GGH: variants seen among roughly 807,000 people sequenced by gnomAD.
GGH encodes the protein gamma-glutamyl hydrolase, also known as gamma-Glu-X carboxypeptidase.
GGH carries 18 observed loss-of-function variants against 39.2 expected under a neutral mutation model. That is an observed-to-expected ratio of 0.46 (90% CI 0.32 to 0.68). The LOEUF is 0.68. Among genes scored for constraint, GGH ranks in the 30% least tolerant of loss-of-function variants. The pLI, the probability that GGH is intolerant of heterozygous loss-of-function variation, is 0.04. For synonymous variants in GGH, 147 were observed against 138.8 expected, an observed-to-expected ratio of 1.06 and a Z score of -0.42; for missense variants, 367 against 384.1, an observed-to-expected ratio of 0.96 and a Z score of 0.37.
rs769770960 is a variant in GGH at position 63,035,639 on chromosome 8, A to AC, written c.224+16_224+17insG. The AC allele has an allele frequency of 1.3e-6, 2 of 1,580,606 alleles. No homozygotes were observed. Among genetic ancestry groups the AC allele is most frequent in the African/African-American group, 1.4e-5 (1 of 72,294 alleles). ...TTTTATACAGAGTAAAAAAAAAAAA[A>AC]AAACACTGAATCATACCTTACTGGT... On this transcript the variant is annotated intron_variant, in intron 2 of 8. Transcript: ENST00000260118.
chr8:63,018,984 A>G (rs1286076706), intron 7 of GGH, among the ~76,000 whole-genome samples: 3 of 152,218 alleles, frequency 2.0e-5, no homozygotes, highest in Admixed American at 6.5e-5. Context: ...AGGACAAGAC[A>G]TCAGTTTTAA....
intron 3 of GGH, among the ~76,000 whole-genome samples, chr8:63,027,888 CT>C (rs1199764569): frequency 1.3e-5 from 2 of 151,682 alleles, no homozygotes; most frequent in African/African-American, 4.8e-5. Context: ...ATTTTACACA[CT>C]TATAAAGGTG....
intron 2 of GGH, 92 bp downstream of exon 2, chr8:63,035,564 C>T (rs1804890878): frequency 6.0e-6 from 9 of 1,493,060 alleles, no homozygotes; most frequent in African/African-American, 1.4e-5. Flanking sequence ...CTTGGCCTCC[C>T]AAAGTGCTAG....
chr8:63,027,202 T>C lies in GGH; in HGVS notation c.339A>G (p.Ile113Met), dbSNP rs545671872. 3 of 1,527,704 alleles carry C rather than the reference T, an allele frequency of 2.0e-6. No individual in the cohort carries two copies. In the African/African-American group the frequency reaches 4.1e-5, roughly 21 times the overall value. 94.6% of individuals were successfully genotyped at this position (1,527,704 alleles called of 1,614,324 possible). The change falls in exon 4 of 9, where the codon ATA (isoleucine) becomes ATG (methionine). Residue 113 changes from isoleucine to methionine, a missense_variant. Ile to Met is a conservative substitution (Grantham distance 10). Transcript: ENST00000260118. ...RRSDYAKVAK[I>M]FYNLSIQSFD... Reference sequence around the variant, plus strand: ...TTACCTGTATGGACAAGTTATAAAATATTTTGGCCACTTTAGCATAATCTG... The same window carrying C: ...TTACCTGTATGGACAAGTTATAAAACATTTTGGCCACTTTAGCATAATCTG...
chr8:63,023,572 T>C (rs1421408089), intron 7 of GGH: 1 of 166,500 alleles, frequency 6.0e-6, no homozygotes, highest in Non-Finnish European at 1.3e-5. Context: ...TTTTTCTCTA[T>C]CACCCACATT....
rs148095972 is a variant in GGH at position 63,027,313 on chromosome 8, G to A, written c.276-48C>T. On this transcript the variant is annotated intron_variant, in intron 3 of 8. Transcript: ENST00000260118. ...AAATAGGGTGTATTTTGCCACCCCC[G>A]ACCCATACACACACAGAAAACAATC... The A allele has an allele frequency of 3.3e-4, 299 of 900,460 alleles. No homozygotes were observed. The Middle Eastern group carries it at 5.0e-3, about 15-fold the overall frequency. The allele number at this position is 900,460 out of a possible 1,614,324, so 55.8% of individuals were successfully genotyped here. A position where few individuals can be genotyped will look rare whatever the true frequency, so the allele number is the denominator to read the frequency against.
Position 63,038,721 on chromosome 8 carries a change from G to A in GGH, c.48C>T (p.Cys16=). Residue 16 remains cysteine, a synonymous_variant, in exon 1 of 9, where the codon TGC becomes TGT. Transcript: ENST00000260118. ...CLLCVLGLLL[C]GAASLELSRP... ...TAGACAGCTCGAGGCTCGCCGCCCC[G>A]CAGAGTAGCAGGCCCAGCACGCACA... is the stretch of plus-strand genomic sequence containing the variant. 1 of 1,582,868 alleles carries A rather than the reference G, an allele frequency of 6.3e-7. No homozygotes were observed. Among genetic ancestry groups the A allele is most frequent in the Admixed American group, 1.7e-5 (1 of 57,712 alleles).
At position 63,015,135 on chromosome 8, in the gene GGH, T is replaced by C; in HGVS notation, c.*197A>G. 2.8e-6 allele frequency: 1 copy of C among 353,796 alleles called. No homozygotes were observed. Among genetic ancestry groups the C allele is most frequent in the Non-Finnish European group, 5.0e-6 (1 of 198,434 alleles). 21.9% of individuals were successfully genotyped at this position (353,796 alleles called of 1,614,324 possible). ...CTTCAGATATAAGAAGGCTTTTCCA[T>C]GAAAAACACTCTATTTATGTCTCAC... On this transcript the variant is annotated 3_prime_UTR_variant, in exon 9 of 9. Coordinates refer to ENST00000260118, the MANE Select transcript of GGH (RefSeq NM_003878.3).
chr8:63,017,432 G>T lies in GGH; in HGVS notation c.835+61C>A. The T allele has an allele frequency of 5.9e-6, 7 of 1,187,354 alleles. No homozygotes were observed. In the South Asian group the frequency reaches 7.0e-5, roughly 12 times the overall value. 73.6% of individuals were successfully genotyped at this position (1,187,354 alleles called of 1,614,324 possible). The stretch of plus-strand genomic sequence containing the variant: ...GAGCAAAAGGGTAGGCAAAAGTTCA[G>T]ATAAGGGCAATTTTCTTCAAAACTA... On this transcript the variant is annotated intron_variant, in intron 8 of 8. Transcript: ENST00000260118.
At chr8:63,035,459 C>T (rs555629971) in intron 2 of GGH, among the ~76,000 whole-genome samples, 197 bp downstream of exon 2, 53 of 152,280 alleles carry the variant, frequency 3.5e-4, no homozygotes, top group African/African-American at 1.3e-3. Context: ...GAGTGCACTA[C>T]TGCACCCAGC....
chr8:63,021,309 G>T (rs1804580775), intron 7 of GGH, among the ~76,000 whole-genome samples: 5 of 151,814 alleles, frequency 3.3e-5, no homozygotes, highest in African/African-American at 9.7e-5. Flanking sequence ...TTTTTTTGCT[G>T]GTATGAACAA....
intron 3 of GGH, among the ~76,000 whole-genome samples, chr8:63,029,047 C>A (rs1804752209): frequency 6.6e-6 from 1 of 152,110 alleles, no homozygotes; most frequent in South Asian, 2.1e-4. Context: ...CCAAACTGAA[C>A]TGAAGGCAAA....
At chr8:63,035,547 C>CA in intron 2 of GGH, 109 bp downstream of exon 2, 1 of 1,444,420 alleles carries the variant, frequency 6.9e-7, no homozygotes. Context: ...CTCAGTAGTC[C>CA]ACCCGCCTTG....
Position 63,023,930 on chromosome 8 carries a change from A to C in GGH, c.674T>G (p.Ile225Ser), listed in dbSNP as rs1237800469. 5 of 1,583,968 alleles carry C rather than the reference A, an allele frequency of 3.2e-6. No individual in the cohort carries two copies. In the South Asian group the frequency reaches 5.7e-5, roughly 18 times the overall value. Residue 225 changes from isoleucine to serine, a missense_variant, in exon 7 of 9, where the codon ATT becomes AGT. Ile to Ser is a moderately radical substitution (Grantham distance 142, BLOSUM62 -2). Coordinates refer to ENST00000260118, the MANE Select transcript of GGH (RefSeq NM_003878.3). Reference sequence around the variant, plus strand: ...ACCTTCCATTGTTGAAATAAACTCAATCTTGCCATCTGTATTTGTAGTTAA... The same window carrying C: ...ACCTTCCATTGTTGAAATAAACTCACTCTTGCCATCTGTATTTGTAGTTAA... ...NVLTTNTDGK[I>S]EFISTMEGYK...
rs1414565922 is a variant in GGH, at chr8:63,017,537, G to C, written c.791C>G (p.Ala264Gly). ...TGCTAAATAAAATGCGGTTTTCACA[G>C]CATTAGGTGCATGGGAAATGCCATC... is the stretch of plus-strand genomic sequence containing the variant. ...NLDGISHAPN[A>G]VKTAFYLAEF... The change falls in exon 8 of 9, where the codon GCT (alanine) becomes GGT (glycine). Residue 264 changes from alanine to glycine, a missense_variant. By Grantham distance (60) the Ala-to-Gly change is moderately conservative. Transcript: ENST00000260118. 1 of 1,611,322 alleles carries C rather than the reference G, an allele frequency of 6.2e-7. No homozygotes were observed. Among genetic ancestry groups the C allele is most frequent in the Non-Finnish European group, 8.5e-7 (1 of 1,177,780 alleles).
At chr8:63,036,969 C>A (rs1804921304) in intron 1 of GGH, among the ~76,000 whole-genome samples, 1 of 152,152 alleles carries the variant, frequency 6.6e-6, no homozygotes, top group Non-Finnish European at 1.5e-5. Flanking sequence ...ACCAGTGAAA[C>A]CCAGCCCCAG....
At chr8:63,030,475 A>T (rs1235850094) in intron 2 of GGH, among the ~76,000 whole-genome samples, 1 of 152,196 alleles carries the variant, frequency 6.6e-6, no homozygotes, top group Non-Finnish European at 1.5e-5. Context: ...ATGTGTTAGT[A>T]TGCAAAAACA....
chr8:63,036,172 C>T (rs1265414556), intron 1 of GGH, among the ~76,000 whole-genome samples: 1 of 152,178 alleles, frequency 6.6e-6, no homozygotes, highest in African/African-American at 2.4e-5. Context: ...CCATCCACAC[C>T]TCTCCAACAT....
At chr8:63,028,286 T>C (rs1403837411) in intron 3 of GGH, 1 of 152,068 alleles carries the variant, frequency 6.6e-6, no homozygotes, top group Non-Finnish European at 1.5e-5. Flanking sequence ...TGAAGACTCA[T>C]TAGCATTCTC....
Sources: gnomAD v4.1 joint callset for allele counts (sites outside exome capture counted in the v4.1 genomes callset) on GRCh38, gnomAD v4.1.1 for gene constraint, MANE v1.5 for transcripts, NCBI Gene and HGNC (gene_info 2026-07-23, HGNC 2026-07-21) for gene names.